The following PKLR variants were observed in gnomAD, a reference collection of about 807,000 sequenced individuals.
The protein encoded by PKLR is pyruvate kinase PKLR.
In PKLR, 38 loss-of-function variants were observed where a neutral mutation model predicts 53.6. The observed-to-expected ratio is 0.71, with a 90% CI of 0.55 to 0.93. The LOEUF is 0.93. Among genes scored for constraint, PKLR ranks in the 40% least tolerant of loss-of-function variants. The pLI is 0.00. For synonymous variants in PKLR, 328 were observed against 316.2 expected, an observed-to-expected ratio of 1.04 and a Z score of -0.39; for missense variants, 702 against 787.3, an observed-to-expected ratio of 0.89 and a Z score of 1.30.
At chr1:155,291,649 T>G in intron 10 of PKLR, 107 bp downstream of exon 10, 2 of 956,892 alleles carry the variant, frequency 2.1e-6, no homozygotes, top group South Asian at 1.3e-5. Flanking sequence ...AGGGAAAACC[T>G]GGGACCACAG....
In PKLR at chr1:155,295,386, A is replaced by C. The variant is rs2071053; in HGVS notation, c.507+51T>G. On this transcript the variant is annotated intron_variant, in intron 4 of 10. Coordinates refer to ENST00000342741, the MANE Select transcript of PKLR (RefSeq NM_000298.6). The surrounding 1 kb of genome is among the most constrained non-coding windows in gnomAD (Gnocchi z 4.3). The stretch of plus-strand genomic sequence containing the variant: ...TGCCCACGCCTGGGCCCAACCCTAC[A>C]GGCGCCGCCTTTCCGGCCCTGGCCC... 6.2e-7 allele frequency: 1 copy of C among 1,612,174 alleles called. No homozygotes were observed. The highest frequency in any genetic ancestry group is 8.5e-7 in the Non-Finnish European group (1 of 1,179,212).
Position 155,294,223 on chromosome 1 carries a change from C to T in PKLR, c.1116+12G>A. ...CCCACAGAGTGCCGAACCTCAAGGC[C>T]TCACTCCAGACCTGTGTGGCACAGA... On this transcript the variant is annotated intron_variant, in intron 7 of 10. Transcript: ENST00000342741. The T allele has an allele frequency of 1.9e-6, 3 of 1,614,184 alleles. No homozygotes were observed. The highest frequency in any genetic ancestry group is 3.3e-4 in the Middle Eastern group (2 of 6,062).
chr1:155,296,149 TGAG>T lies in PKLR; in HGVS notation c.284-396_284-394del, dbSNP rs552712179. 4.6e-5 allele frequency among the ~76,000 whole-genome samples: 7 copies of T among 152,272 alleles called. No individual in the cohort carries two copies. In the South Asian group the frequency reaches 1.5e-3, roughly 32 times the overall value. The stretch of plus-strand genomic sequence containing the variant: ...TTTAGAGCTAGGAGGCCTCATGGAC[TGAG>T]GAGAGCTGAGTTCTATCCCATGCCT... On this transcript the variant is annotated intron_variant, in intron 2 of 10. Coordinates refer to ENST00000342741, the MANE Select transcript of PKLR (RefSeq NM_000298.6).
upstream of PKLR, among the ~76,000 whole-genome samples, chr1:155,303,835 C>G (rs1648157367): frequency 6.6e-6 from 1 of 151,868 alleles, no homozygotes; most frequent in Non-Finnish European, 1.5e-5. Context: ...AGGAAGGCCT[C>G]TTTGAAGTGA....
rs775787566 is a variant in PKLR at position 155,295,216 on chromosome 1, G to T, written c.594C>A (p.Asn198Lys). Residue 198 changes from asparagine to lysine, a missense_variant, in exon 5 of 11, where the codon AAC becomes AAA. Asn to Lys is a moderately conservative substitution (Grantham distance 94). Around this residue, in one of 2 missense-constraint regions of PKLR, gnomAD observed 519 missense variants for 537.1 expected, o/e 0.97. Coordinates refer to ENST00000342741, the MANE Select transcript of PKLR (RefSeq NM_000298.6). This position sits in a 1 kb window ranked among gnomAD's most constrained non-coding sequence, Gnocchi z 4.3. ...DPAFRTRGNA[N>K]TVWVDYPNIV... Reference sequence around the variant, plus strand: ...TATTGGGGTAGTCCACCCACACGGTGTTCGCGTTCCCCCGCGTCCGGAACG... The same window carrying T: ...TATTGGGGTAGTCCACCCACACGGTTTTCGCGTTCCCCCGCGTCCGGAACG... The T allele has an allele frequency of 6.2e-6, 10 of 1,613,994 alleles. No individual in the cohort carries two copies. In the East Asian group the frequency reaches 2.2e-4, roughly 36 times the overall value.
Position 155,295,134 on chromosome 1 carries a change from G to C in PKLR, c.676C>G (p.Leu226Val). 1 of 1,614,132 alleles carries C rather than the reference G, an allele frequency of 6.2e-7. No homozygotes were observed. Among genetic ancestry groups the C allele is most frequent in the Non-Finnish European group, 8.5e-7 (1 of 1,179,988 alleles). Reference protein sequence around the residue: ...RIYIDDGLISLVVQKIGPEGL... With the variant: ...RIYIDDGLISVVVQKIGPEGL... ...TCCGCACCGATTTTCTGGACCACTA[G>C]GGAGATGAGCCCGTCGTCAATGTAG... The change falls in exon 5 of 11, where the codon CTA becomes GTA. Residue 226 changes from leucine (L) to valine (V), a missense_variant. Physicochemically the swap from Leu to Val is conservative, Grantham distance 32. Coordinates refer to ENST00000342741, the MANE Select transcript of PKLR (RefSeq NM_000298.6). The surrounding 1 kb of genome is among the most constrained non-coding windows in gnomAD (Gnocchi z 4.3).
upstream of PKLR, among the ~76,000 whole-genome samples, chr1:155,304,547 C>A (rs556560434): frequency 6.6e-6 from 1 of 150,448 alleles, no homozygotes; most frequent in African/African-American, 2.5e-5. Context: ...GCAGTGAAGA[C>A]GAAGAGAGGG....
At chr1:155,298,457 T>C (rs184345866) in intron 2 of PKLR, among the ~76,000 whole-genome samples, 11 of 151,324 alleles carry the variant, frequency 7.3e-5, no homozygotes, top group Non-Finnish European at 1.3e-4. Flanking sequence ...GCCTCCTGAG[T>C]AGCTGGGATT....
rs756703156 is a variant in PKLR, at chr1:155,293,340, C to A, written c.1273G>T (p.Ala425Ser). The A allele has an allele frequency of 5.6e-6, 9 of 1,614,118 alleles. No individual in the cohort carries two copies. In the African/African-American group the frequency reaches 1.2e-4, roughly 22 times the overall value. ...TACACTGCGGCCTCTGCCTCCCGGG[C>A]AATCTGCAGGTGCCAGAATGTTAGT... The part of the protein sequence containing the change: ...VEAVKMQHAI[A>S]REAEAAVYHR... The change falls in exon 9 of 11, where the codon GCC becomes TCC. Residue 425 changes from alanine to serine, a missense_variant. By Grantham distance (99) the Ala-to-Ser change is moderately conservative. This residue lies in a region of PKLR where 183 missense variants were observed against 250.2 expected (regional missense o/e 0.73). Transcript: ENST00000342741. The surrounding 1 kb of genome is among the most constrained non-coding windows in gnomAD (Gnocchi z 4.2).
intron 1 of PKLR, 35 bp from the exon 2 acceptor site, chr1:155,300,315 C>A: frequency 6.5e-7 from 1 of 1,532,496 alleles, no homozygotes; most frequent in Non-Finnish European, 8.8e-7. Flanking sequence ...CTGCATGTCA[C>A]CTGCCCTTCC....
In PKLR at chr1:155,293,630, CTG is replaced by C. The variant is rs1557958141; in HGVS notation, c.1117-42_1117-41del. 2 of 1,610,186 alleles carry C rather than the reference CTG, an allele frequency of 1.2e-6. No homozygotes were observed. The highest frequency in any genetic ancestry group is 3.3e-5 in the Admixed American group (2 of 59,976). On this transcript the variant is annotated intron_variant, in intron 7 of 10. Coordinates refer to ENST00000342741, the MANE Select transcript of PKLR (RefSeq NM_000298.6). The surrounding 1 kb of genome is among the most constrained non-coding windows in gnomAD (Gnocchi z 4.2). ...GGATGTCAAAGTTGTAGGACTCACACTGTGACTGGGGACCCTGCCCAAGCTAC... is the reference window on the plus strand; with the variant it reads ...GGATGTCAAAGTTGTAGGACTCACACTGACTGGGGACCCTGCCCAAGCTAC...
rs1266658818 is a variant in PKLR at position 155,291,761 on chromosome 1, T to C, written c.1613A>G (p.Glu538Gly). Residue 538 changes from glutamate (E) to glycine (G), a missense_variant, in exon 10 of 11, where the codon GAA (glutamate) becomes GGA (glycine). Transcript: ENST00000342741. ...DVDRRVQFGI[E>G]SGKLRGFLRV... ...GGAAGGTCTAGGTAGCTCACCACTT[T>C]CAATGCCAAATTGCACCCGGCGATC... The C allele has an allele frequency of 1.9e-6, 3 of 1,613,898 alleles. No individual in the cohort carries two copies. The highest frequency in any genetic ancestry group is 1.3e-5 in the African/African-American group (1 of 74,862).
At position 155,294,302 on chromosome 1, in the gene PKLR, A is replaced by G. The variant is rs755934816; in HGVS notation, c.1049T>C (p.Phe350Ser). 1 of 1,614,108 alleles carries G rather than the reference A, an allele frequency of 6.2e-7. No homozygotes were observed. ...CCCAATCATCATCTTCTGAGCCAGG[A>G]AAACCTTCTCTGCTGGGATCTCGAT... ...LGIEIPAEKV[F>S]LAQKMMIGRC... Residue 350 changes from phenylalanine to serine, a missense_variant, in exon 7 of 11, where the codon TTC (phenylalanine) becomes TCC (serine). Transcript: ENST00000342741.
chr1:155,290,852 G>T (rs951522727), intron 10 of PKLR, among the ~76,000 whole-genome samples, 174 bp from the exon 11 acceptor site: 3 of 151,936 alleles, frequency 2.0e-5, no homozygotes, highest in Non-Finnish European at 2.9e-5. Flanking sequence ...AGCTGGGTGT[G>T]GTGGCGCATG....
Position 155,295,371 on chromosome 1 carries a change from T to A in PKLR, c.507+66A>T. The A allele has an allele frequency of 6.2e-7, 1 of 1,613,090 alleles. No homozygotes were observed. The highest frequency in any genetic ancestry group is 8.5e-7 in the Non-Finnish European group (1 of 1,179,500). On this transcript the variant is annotated intron_variant, in intron 4 of 10. Transcript: ENST00000342741. This position sits in a 1 kb window ranked among gnomAD's most constrained non-coding sequence, Gnocchi z 4.3. ...TCCGGGACCCGCCCCTGCCCACGCC[T>A]GGGCCCAACCCTACAGGCGCCGCCT...
Position 155,291,042 on chromosome 1 carries a change from A to G in PKLR, c.1619-364T>C, listed in dbSNP as rs965908775. The stretch of plus-strand genomic sequence containing the variant: ...AATAATAATAATAATAATAATAATA[A>G]AAGAAGAAAAGAAAGAAAATTAGTC... On this transcript the variant is annotated intron_variant, in intron 10 of 10. Coordinates refer to ENST00000342741, the MANE Select transcript of PKLR (RefSeq NM_000298.6). Among the ~76,000 whole-genome samples the G allele has an allele frequency of 5.8e-4, 83 of 143,630 alleles. 1 individual carries two copies. Among genetic ancestry groups the G allele is most frequent in the Non-Finnish European group, 1.8e-4 (12 of 65,872 alleles). 94.2% of individuals were successfully genotyped at this position (143,630 alleles called of 152,430 possible).
Position 155,290,427 on chromosome 1 carries a change from AG to A in PKLR, c.*144del. 1.5e-6 allele frequency: 1 copy of A among 661,232 alleles called. No individual in the cohort carries two copies. The highest frequency in any genetic ancestry group is 2.8e-6 in the Non-Finnish European group (1 of 361,694). The allele number at this position is 661,232 out of a possible 1,614,324, so 41.0% of individuals were successfully genotyped here. On this transcript the variant is annotated 3_prime_UTR_variant, in exon 11 of 11. Transcript: ENST00000342741. ...GGGGCTAGATGACAGTTATAGTCTC[AG>A]ATAGGCCTCAGGTAGGGAGGGTCAG...
intron 5 of PKLR, 26 bp from the exon 6 acceptor site, chr1:155,294,778 C>T: frequency 1.9e-6 from 3 of 1,613,420 alleles, no homozygotes; most frequent in South Asian, 1.1e-5. Context: ...GAGCCAGCTG[C>T]GGTCAGGGGT....
upstream of PKLR, among the ~76,000 whole-genome samples, chr1:155,304,434 CAAAAAAAAAA>C (rs61510118): frequency 1.6e-5 from 1 of 62,222 alleles, no homozygotes; most frequent in Non-Finnish European, 2.9e-5. Context: ...AACTGCGTCT[CAAAAAAAAAA>C]AAAAAAAAAA....
Sources: allele counts gnomAD v4.1 joint callset (sites outside exome capture counted in the v4.1 genomes callset), GRCh38; gene constraint gnomAD v4.1.1; regional missense constraint gnomAD v4.1.1; non-coding constraint Gnocchi (gnomAD v3.1); transcripts MANE v1.5; gene names NCBI Gene and HGNC (gene_info 2026-07-23, HGNC 2026-07-21).